Variants in MTERF1 observed in about 807,000 individuals in gnomAD.
MTERF1 encodes mitochondrial transcription termination factor 1.
In MTERF1, 29 loss-of-function variants were observed where a neutral mutation model predicts 31.6. That is an observed-to-expected ratio of 0.92 (90% confidence interval 0.68 to 1.25). The LOEUF is 1.25. Ranked by LOEUF, MTERF1 falls within the 50% of genes most tolerant of loss-of-function variation. The pLI is 0.00. For synonymous variants in MTERF1, 152 were observed against 164.1 expected (o/e 0.93, Z 0.57); for missense variants, 500 against 469.1 (o/e 1.07, Z -0.61).
chr7:91,876,343 A>C (rs1275894817), intron 2 of MTERF1, among the ~76,000 whole-genome samples: 1 of 152,222 alleles, frequency 6.6e-6, no homozygotes, highest in African/African-American at 2.4e-5. Context: ...CCTTTTTAGA[A>C]TATATAGCTG....
In MTERF1 at chr7:91,880,045, C is replaced by T. The variant is rs575801676; in HGVS notation, c.29+10G>A. ...AGCTAAGTTTGGAGATCTTTACATG[C>T]ATTTCTCACCTTGTTTGTCCTAAGG... On this transcript the variant is annotated intron_variant, in intron 2 of 2. Coordinates refer to ENST00000351870, the MANE Select transcript of MTERF1 (RefSeq NM_006980.5). 2.2e-5 allele frequency: 35 copies of T among 1,613,936 alleles called. No individual in the cohort carries two copies. The African/African-American group carries it at 4.0e-4, about 18-fold the overall frequency.
At position 91,873,620 on chromosome 7, in the gene MTERF1, A is replaced by G; in HGVS notation, c.1174T>C (p.Leu392=). The G allele has an allele frequency of 6.2e-7, 1 of 1,606,428 alleles. No homozygotes were observed. Among genetic ancestry groups the G allele is most frequent in the Non-Finnish European group, 8.5e-7 (1 of 1,177,264 alleles). The change falls in exon 3 of 3, where the codon TTG becomes CTG. Residue 392 remains leucine (L), a synonymous_variant. Transcript: ENST00000351870. ...TAGGCAAATCTGCTTAACTTTTTCA[A>G]TTTAGCTTCATATCTTTTTTTACTC... ...SWSKKRYEAK[L]KKLSRFA is the part of the protein sequence containing the mutation.
chr7:91,876,324 G>C (rs1305622536), intron 2 of MTERF1, among the ~76,000 whole-genome samples: 1 of 152,154 alleles, frequency 6.6e-6, no homozygotes, highest in African/African-American at 2.4e-5. Context: ...TTTTTAAACT[G>C]TACTTTTGCC....
rs773995463 is a variant in MTERF1 at position 91,874,475 on chromosome 7, G to A, written c.319C>T (p.Leu107=). 1 of 1,613,988 alleles carries A rather than the reference G, an allele frequency of 6.2e-7. No homozygotes were observed. Among genetic ancestry groups the A allele is most frequent in the Non-Finnish European group, 8.5e-7 (1 of 1,180,000 alleles). Residue 107 remains leucine (L), a synonymous_variant, in exon 3 of 3, where the codon CTG becomes TTG. Transcript: ENST00000351870. ...CCTTTGGAAAGAAGGAACATCTTCA[G>A]GTCCTGCTCATTGGTAATCATCCTA... The part of the protein sequence containing the change: ...FHRMITNEQD[L]KMFLLSKGAS...
rs1283478665 is a variant in MTERF1, at chr7:91,873,152, T to G, written c.*442A>C. The stretch of plus-strand genomic sequence containing the variant: ...CAGCAAATTATCACTGACTCAGTGG[T>G]TTAAAACAACACAAATTTACCATCT... On this transcript the variant is annotated 3_prime_UTR_variant, in exon 3 of 3. Transcript: ENST00000351870. The G allele has an allele frequency of 1.3e-5, 2 of 154,752 alleles. No homozygotes were observed. The highest frequency in any genetic ancestry group is 3.8e-4 in the East Asian group (2 of 5,236). The allele number at this position is 154,752 out of a possible 1,614,324, so 9.6% of individuals were successfully genotyped here.
chr7:91,877,907 T>A (rs1789385963), intron 2 of MTERF1, among the ~76,000 whole-genome samples: 4 of 152,226 alleles, frequency 2.6e-5, no homozygotes, highest in Admixed American at 2.6e-4. Context: ...CTATCTCTTC[T>A]ATTGTACCAC....
Position 91,872,489 on chromosome 7 carries a change from A to AT in MTERF1, c.*1104dup, listed in dbSNP as rs1469721114. On this transcript the variant is annotated 3_prime_UTR_variant, in exon 3 of 3. Transcript: ENST00000351870. ...CTCTAAAGCTCTTGCTTTCTAAACT[A>AT]TGCCATGCTTGCCATCAAATAGTTA... is the stretch of plus-strand genomic sequence containing the variant. The AT allele has an allele frequency of 6.6e-6, 1 of 152,220 alleles. No individual in the cohort carries two copies. The highest frequency in any genetic ancestry group is 1.9e-4 in the East Asian group (1 of 5,202). The allele number at this position is 152,220 out of a possible 1,614,324, so 9.4% of individuals were successfully genotyped here.
chr7:91,875,325 G>T lies in MTERF1; in HGVS notation c.30-561C>A, dbSNP rs187133471. 2.0e-3 allele frequency among the ~76,000 whole-genome samples: 307 copies of T among 151,976 alleles called. 2 individuals are homozygous for T. Among genetic ancestry groups the T allele is most frequent in the African/African-American group, 7.1e-3 (296 of 41,418 alleles). ...GAGTGCAGCAGCACTATCATGGCTCGTTGCAGCCTCACCTCCCTGGGCTCA... is the reference window on the plus strand; with the variant it reads ...GAGTGCAGCAGCACTATCATGGCTCTTTGCAGCCTCACCTCCCTGGGCTCA... On this transcript the variant is annotated intron_variant, in intron 2 of 2. Transcript: ENST00000351870.
At position 91,873,894 on chromosome 7, in the gene MTERF1, C is replaced by T. The variant is rs144031914; in HGVS notation, c.900G>A (p.Leu300=). 6.2e-7 allele frequency: 1 copy of T among 1,613,998 alleles called. No individual in the cohort carries two copies. Among genetic ancestry groups the T allele is most frequent in the South Asian group, 1.1e-5 (1 of 91,072 alleles). ...RRSYANIKEK[L]FSLGCTEEEV... ...CTTCTTCAGTACATCCAAGAGAAAA[C>T]AGCTTCTCTTTGATGTTTGCGTAGC... Residue 300 remains leucine, a synonymous_variant, in exon 3 of 3, where the codon CTG becomes CTA. Coordinates refer to ENST00000351870, the MANE Select transcript of MTERF1 (RefSeq NM_006980.5).
Position 91,871,318 on chromosome 7 carries a change from C to T in MTERF1, c.*2276G>A, listed in dbSNP as rs1294767012. On this transcript the variant is annotated 3_prime_UTR_variant, in exon 3 of 3. Transcript: ENST00000351870. The stretch of plus-strand genomic sequence containing the variant: ...ATACCATTTCTCATCAGCCCAGCTA[C>T]AATCCTATGATCTGCTGATGTCAAT... 6.6e-6 allele frequency: 1 copy of T among 152,262 alleles called. No homozygotes were observed. The highest frequency in any genetic ancestry group is 1.9e-4 in the East Asian group (1 of 5,194). 9.4% of individuals were successfully genotyped at this position (152,262 alleles called of 1,614,324 possible).
rs1789233109 is a variant in MTERF1 at position 91,873,414 on chromosome 7, T to C, written c.*180A>G. 1 of 591,582 alleles carries C rather than the reference T, an allele frequency of 1.7e-6. No homozygotes were observed. The highest frequency in any genetic ancestry group is 2.9e-5 in the East Asian group (1 of 34,478). 36.6% of individuals were successfully genotyped at this position (591,582 alleles called of 1,614,324 possible). Reference sequence around the variant, plus strand: ...ACAGGATCACTCTGACCTCCTCTTTTGCCTCCCTCTTCAACTTTTAAAGAT... The same window carrying C: ...ACAGGATCACTCTGACCTCCTCTTTCGCCTCCCTCTTCAACTTTTAAAGAT... On this transcript the variant is annotated 3_prime_UTR_variant, in exon 3 of 3. Transcript: ENST00000351870.
chr7:91,875,453 C>T (rs1267244882), intron 2 of MTERF1, among the ~76,000 whole-genome samples: 2 of 152,120 alleles, frequency 1.3e-5, no homozygotes, highest in Admixed American at 6.6e-5. Context: ...CAGTGTTTCA[C>T]TATGTCACCC....
rs551518268 is a variant in MTERF1, at chr7:91,872,609, G to A, written c.*985C>T. 5 of 152,240 alleles carry A rather than the reference G, an allele frequency of 3.3e-5. No individual in the cohort carries two copies. Among genetic ancestry groups the A allele is most frequent in the Middle Eastern group, 3.4e-3 (1 of 294 alleles). The allele number at this position is 152,240 out of a possible 1,614,324, so 9.4% of individuals were successfully genotyped here. A position where few individuals can be genotyped will look rare whatever the true frequency, so the allele number is the denominator to read the frequency against. On this transcript the variant is annotated 3_prime_UTR_variant, in exon 3 of 3. Transcript: ENST00000351870. ...AATAGTAGGAATAAGGTTTTTTGAAGTATCACTGATAGCAAATGAGGTTTA... is the reference window on the plus strand; with the variant it reads ...AATAGTAGGAATAAGGTTTTTTGAAATATCACTGATAGCAAATGAGGTTTA...
rs755130341 is a variant in MTERF1, at chr7:91,873,593, C to A, written c.*1G>T. The A allele has an allele frequency of 6.3e-7, 1 of 1,595,724 alleles. No individual in the cohort carries two copies. The highest frequency in any genetic ancestry group is 2.2e-5 in the East Asian group (1 of 44,702). On this transcript the variant is annotated 3_prime_UTR_variant, in exon 3 of 3. Coordinates refer to ENST00000351870, the MANE Select transcript of MTERF1 (RefSeq NM_006980.5). ...CCTGAGAATTAAAAACATTGGCATC[C>A]TTAGGCAAATCTGCTTAACTTTTTC...
chr7:91,880,214 T>C (rs2130332841), intron 1 of MTERF1, 101 bp from the exon 2 acceptor site: 1 of 948,636 alleles, frequency 1.1e-6, no homozygotes, highest in Non-Finnish European at 1.6e-6. Flanking sequence ...TTGCATTATG[T>C]TCTCGTGAGA....
chr7:91,871,137 C>A lies in MTERF1; in HGVS notation c.*2457G>T, dbSNP rs2130286213. 6.6e-6 allele frequency: 1 copy of A among 152,192 alleles called. No homozygotes were observed. Among genetic ancestry groups the A allele is most frequent in the Non-Finnish European group, 1.5e-5 (1 of 68,034 alleles). 9.4% of individuals were successfully genotyped at this position (152,192 alleles called of 1,614,324 possible). A position where few individuals can be genotyped will look rare whatever the true frequency, so the allele number is the denominator to read the frequency against. On this transcript the variant is annotated 3_prime_UTR_variant, in exon 3 of 3. Coordinates refer to ENST00000351870, the MANE Select transcript of MTERF1 (RefSeq NM_006980.5). Reference sequence around the variant, plus strand: ...TGACTCTCCCTTGATCAGACTCAAACCTTAAAGTATGACATGTTAATTTTG... The same window carrying A: ...TGACTCTCCCTTGATCAGACTCAAAACTTAAAGTATGACATGTTAATTTTG...
At position 91,873,515 on chromosome 7, in the gene MTERF1, A is replaced by G. The variant is rs1789235885; in HGVS notation, c.*79T>C. On this transcript the variant is annotated 3_prime_UTR_variant, in exon 3 of 3. Coordinates refer to ENST00000351870, the MANE Select transcript of MTERF1 (RefSeq NM_006980.5). ...CTCAAGGCCCTTAATAACATTTTAAATTAATCACTTCTGCAAAATTCTTTT... is the reference window on the plus strand; with the variant it reads ...CTCAAGGCCCTTAATAACATTTTAAGTTAATCACTTCTGCAAAATTCTTTT... 1.6e-6 allele frequency: 2 copies of G among 1,239,624 alleles called. No homozygotes were observed. Among genetic ancestry groups the G allele is most frequent in the South Asian group, 3.2e-5 (2 of 62,806 alleles). 76.8% of individuals were successfully genotyped at this position (1,239,624 alleles called of 1,614,324 possible).
In MTERF1 at chr7:91,874,353, TC is replaced by T. The variant is rs1407485738; in HGVS notation, c.440del (p.Arg147LysfsTer4). On this transcript the variant is annotated frameshift_variant, in exon 3 of 3. Transcript: ENST00000351870. LOFTEE classifies it high-confidence loss of function. The stretch of plus-strand genomic sequence containing the variant: ...TTTCAAGGTCTGATGTCACAATCTT[TC>T]TCCACAGATCCCACCGTTTTGAAAG... ...ENLSKRWDLW[R>X]KIVTSDLEIV... is the part of the protein sequence containing the mutation. 3.7e-6 allele frequency: 6 copies of T among 1,614,006 alleles called. No individual in the cohort carries two copies. Among genetic ancestry groups the T allele is most frequent in the Middle Eastern group, 1.6e-4 (1 of 6,084 alleles).
chr7:91,874,481 G>A lies in MTERF1; in HGVS notation c.313C>T (p.Gln105Ter), dbSNP rs759273093. 3 of 1,614,050 alleles carry A rather than the reference G, an allele frequency of 1.9e-6. 1 individual carries two copies. The South Asian group carries it at 3.3e-5, about 18-fold the overall frequency. The change falls in exon 3 of 3, where the codon CAG becomes TAG. Residue 105 changes from glutamine to a stop codon, truncating the protein, a stop_gained. Transcript: ENST00000351870. LOFTEE classifies it high-confidence loss of function. Reference sequence around the variant, plus strand: ...GAAAGAAGGAACATCTTCAGGTCCTGCTCATTGGTAATCATCCTATGAAAA... The same window carrying A: ...GAAAGAAGGAACATCTTCAGGTCCTACTCATTGGTAATCATCCTATGAAAA... Reference protein sequence around the residue: ...GVFHRMITNEQDLKMFLLSKG... With the variant: ...GVFHRMITNE
Sources: allele counts gnomAD v4.1 joint callset (sites outside exome capture counted in the v4.1 genomes callset), GRCh38; gene constraint gnomAD v4.1.1; transcripts MANE v1.5; gene names NCBI Gene and HGNC (gene_info 2026-07-23, HGNC 2026-07-21).